Variants in GRIP1 observed in about 807,000 individuals in gnomAD.
GRIP1 encodes the protein glutamate receptor-interacting protein 1.
Under a neutral mutation model 129.9 loss-of-function variants are expected in GRIP1, and 45 were observed. The observed-to-expected ratio is 0.35, with a 90% confidence interval of 0.27 to 0.44. GRIP1 has a LOEUF of 0.44. GRIP1 is among the 20% of genes least tolerant of loss of function. GRIP1 has a pLI of 1.00. For synonymous variants in GRIP1, 530 were observed against 520.8 expected (o/e 1.02, Z -0.24); for missense variants, 1,196 against 1,396.8 (o/e 0.86, Z 2.29).
chr12:66,509,675 T>A (rs1177298010), intron 7 of GRIP1, among the ~76,000 whole-genome samples: 1 of 152,124 alleles, frequency 6.6e-6, no homozygotes, highest in Non-Finnish European at 1.5e-5. Flanking sequence ...GAAGCCATTA[T>A]CCTCAGCAAA....
rs75590904 is a variant in GRIP1, at chr12:66,879,499, T to C, written c.58+189551A>G. Among the ~76,000 whole-genome samples, 1,003 of 152,116 alleles carry C rather than the reference T, an allele frequency of 6.6e-3. 8 individuals are homozygous for C. The highest frequency in any genetic ancestry group is 0.023 in the African/African-American group (954 of 41,524). ...CACATACTGAGCAAACCAAGCCACA[T>C]AGGCTACAAACCAAGGCAGCAAGAC... On this transcript the variant is annotated intron_variant, in intron 1 of 1. Coordinates refer to the GRIP1 transcript ENST00000643019.
intron 1 of GRIP1, among the ~76,000 whole-genome samples, chr12:66,717,151 CATATTT>C (rs1315927527): frequency 4.6e-5 from 7 of 152,090 alleles, no homozygotes; most frequent in African/African-American, 1.4e-4. Flanking sequence ...ATAGAACATA[CATATTT>C]ATAACAGCCT....
intron 7 of GRIP1, among the ~76,000 whole-genome samples, chr12:66,504,753 C>G (rs2060481639): frequency 6.6e-6 from 1 of 151,948 alleles, no homozygotes; most frequent in East Asian, 1.9e-4. Context: ...TTTATTTGTC[C>G]AAGAATATCC....
chr12:66,995,139 T>C (rs950172284), intron 1 of GRIP1, among the ~76,000 whole-genome samples: 3 of 151,516 alleles, frequency 2.0e-5, no homozygotes, highest in African/African-American at 2.4e-5. Flanking sequence ...TGGATATTTA[T>C]ATTCAAGAAT....
At chr12:66,737,038 C>G (rs914847571) in intron 1 of GRIP1, among the ~76,000 whole-genome samples, 2 of 151,382 alleles carry the variant, frequency 1.3e-5, no homozygotes, top group Non-Finnish European at 2.9e-5. Context: ...GCAAAAAATA[C>G]TAATGTTAGA....
rs543314238 is a variant in GRIP1 at position 67,025,344 on chromosome 12, T to TAC, written c.58+43704_58+43705dup. On this transcript the variant is annotated intron_variant, in intron 1 of 1. Transcript: ENST00000643019. The stretch of plus-strand genomic sequence containing the variant: ...TGACAGAGCGAGACTCTGTCTCAAA[T>TAC]ACACACACACACACATACACACACA... 3.8e-3 allele frequency among the ~76,000 whole-genome samples: 570 copies of TAC among 151,028 alleles called. 4 individuals are homozygous for TAC. Among genetic ancestry groups the TAC allele is most frequent in the African/African-American group, 0.013 (524 of 41,222 alleles).
rs531825266 is a variant in GRIP1 at position 66,418,821 on chromosome 12, G to A, written c.1838+1899C>T. On this transcript the variant is annotated intron_variant, in intron 15 of 24. Coordinates refer to ENST00000359742, the MANE Select transcript of GRIP1 (RefSeq NM_001366722.1). ...AATGCTGGAGAGAATGTGGAGGAAA[G>A]GGAACCCTGGTACACTGTTGATGGG... Among the ~76,000 whole-genome samples, 8 of 152,276 alleles carry A rather than the reference G, an allele frequency of 5.3e-5. No individual in the cohort carries two copies. The East Asian group carries it at 1.4e-3, about 26-fold the overall frequency.
chr12:66,349,085 ACTGTT>A lies in GRIP1; in HGVS notation c.3316_3320del (p.Asn1106CysfsTer7), dbSNP rs1284103249. On this transcript the variant is annotated frameshift_variant, in exon 25 of 25. Coordinates refer to ENST00000359742, the MANE Select transcript of GRIP1 (RefSeq NM_001366722.1). LOFTEE classifies it high-confidence loss of function. The stretch of plus-strand genomic sequence containing the variant: ...CGTGGCTAGGCTGCTGGAAAAAAGC[ACTGTT>A]CTGTTCACTCCAATCTCCTGGTAGA... 6.2e-7 allele frequency: 1 copy of A among 1,614,008 alleles called. No homozygotes were observed. Among genetic ancestry groups the A allele is most frequent in the Non-Finnish European group, 8.5e-7 (1 of 1,179,980 alleles).
At chr12:66,621,599 T>C (rs1436490983) in intron 1 of GRIP1, among the ~76,000 whole-genome samples, 1 of 152,150 alleles carries the variant, frequency 6.6e-6, no homozygotes, top group East Asian at 1.9e-4. Context: ...TTTCAATTCT[T>C]TGGGGTATAT....
At chr12:66,483,985 A>G (rs978805116) in intron 7 of GRIP1, among the ~76,000 whole-genome samples, 19 of 150,776 alleles carry the variant, frequency 1.3e-4, no homozygotes, top group African/African-American at 3.6e-4. Context: ...TCAGCCTCCC[A>G]AGTAGCTGGG....
intron 1 of GRIP1, among the ~76,000 whole-genome samples, chr12:67,026,271 T>G (rs1245084731): frequency 6.6e-6 from 1 of 152,224 alleles, no homozygotes; most frequent in African/African-American, 2.4e-5. Context: ...AATCTTACCA[T>G]TCAAAGATAA....
intron 2 of GRIP1, among the ~76,000 whole-genome samples, chr12:66,578,838 C>A (rs1419525822): frequency 3.3e-5 from 5 of 152,200 alleles, no homozygotes; most frequent in African/African-American, 1.2e-4. Context: ...AGGGCACAGA[C>A]AAACAAAAAG....
intron 1 of GRIP1, among the ~76,000 whole-genome samples, chr12:66,876,269 G>T (rs953374288): frequency 6.6e-6 from 1 of 151,900 alleles, no homozygotes; most frequent in Non-Finnish European, 1.5e-5. Flanking sequence ...TGTCATTCAT[G>T]GTTGTCATGA....
chr12:66,496,873 G>A (rs1565800157), intron 7 of GRIP1, among the ~76,000 whole-genome samples: 1 of 145,668 alleles, frequency 6.9e-6, no homozygotes, highest in Non-Finnish European at 1.5e-5. Context: ...AAGAAAGAGA[G>A]AGGATAGGAG....
rs536383108 is a variant in GRIP1, at chr12:66,492,447, A to T, written c.724+23172T>A. Among the ~76,000 whole-genome samples the T allele has an allele frequency of 6.1e-4, 93 of 152,240 alleles. 3 individuals carry two copies. In the South Asian group the frequency reaches 0.019, roughly 32 times the overall value. ...CAATTTGATGATTATGTATGAAAAT[A>T]ACCAATGTCCTGTCAACCGGGAAGC... is the stretch of plus-strand genomic sequence containing the variant. On this transcript the variant is annotated intron_variant, in intron 7 of 24. Coordinates refer to ENST00000359742, the MANE Select transcript of GRIP1 (RefSeq NM_001366722.1).
chr12:66,557,246 A>G (rs1456555071), intron 2 of GRIP1, among the ~76,000 whole-genome samples: 1 of 152,170 alleles, frequency 6.6e-6, no homozygotes. Context: ...TCATTATATA[A>G]TGATAAAAGG....
chr12:66,981,509 T>G (rs1566105075), intron 1 of GRIP1, among the ~76,000 whole-genome samples: 1 of 152,198 alleles, frequency 6.6e-6, no homozygotes, highest in Non-Finnish European at 1.5e-5. Flanking sequence ...ATTCTAAAGA[T>G]AGATTATTCA....
intron 1 of GRIP1, among the ~76,000 whole-genome samples, chr12:66,888,051 TTTTTATTTTA>T (rs766077868): frequency 2.0e-5 from 3 of 152,056 alleles, no homozygotes; most frequent in African/African-American, 4.8e-5. Flanking sequence ...TTTTTATTCA[TTTTTATTTTA>T]TTTTATTTTA....
chr12:66,554,237 G>A (rs1246818387), intron 2 of GRIP1, among the ~76,000 whole-genome samples: 1 of 152,056 alleles, frequency 6.6e-6, no homozygotes, highest in African/African-American at 2.4e-5. Flanking sequence ...AGTCAGAGAG[G>A]GCACCACACA....
Sources: allele counts gnomAD v4.1 joint callset (sites outside exome capture counted in the v4.1 genomes callset), GRCh38; gene constraint gnomAD v4.1.1; transcripts MANE v1.5; gene names NCBI Gene and HGNC (gene_info 2026-07-23, HGNC 2026-07-21).